The following MAPK14 variants were observed in gnomAD, a reference collection of about 807,000 sequenced individuals.
MAPK14 encodes CSAID-binding protein.
In MAPK14, 16 loss-of-function variants were observed where a neutral mutation model predicts 49.6. That is an observed-to-expected ratio of 0.32 (90% CI 0.22 to 0.49). MAPK14 has a LOEUF of 0.49. MAPK14 is among the 20% of genes least tolerant of loss of function. The pLI is 0.99. For synonymous variants in MAPK14, 142 were observed against 158.0 expected (o/e 0.90, Z 0.76); for missense variants, 200 against 441.2 (o/e 0.45, Z 4.90).
Position 36,059,038 on chromosome 6 carries a change from C to T in MAPK14, c.247-251C>T, listed in dbSNP as rs187219826. 2.0e-3 allele frequency among the ~76,000 whole-genome samples: 311 copies of T among 151,956 alleles called. 1 individual carries two copies. The highest frequency in any genetic ancestry group is 6.9e-3 in the African/African-American group (286 of 41,462). ...CCGAGTAGCTGGGATTACAGGCGCCCGCCACCACACCTGGCTAATGTTTGT... is the reference window on the plus strand; with the variant it reads ...CCGAGTAGCTGGGATTACAGGCGCCTGCCACCACACCTGGCTAATGTTTGT... On this transcript the variant is annotated intron_variant, in intron 2 of 11. Transcript: ENST00000229794.
At chr6:36,085,826 ACT>A (rs1207599608) in intron 8 of MAPK14, among the ~76,000 whole-genome samples, 3 of 152,290 alleles carry the variant, frequency 2.0e-5, no homozygotes, top group East Asian at 1.9e-4. Context: ...TAGCTACAGA[ACT>A]CTCTATACAG....
At chr6:36,090,369 G>C (rs1765171678) in intron 8 of MAPK14, among the ~76,000 whole-genome samples, 2 of 151,758 alleles carry the variant, frequency 1.3e-5, no homozygotes, top group Admixed American at 6.6e-5. Flanking sequence ...TGTTGCCTAG[G>C]CTGGAATGCA....
rs981044225 is a variant in MAPK14 at position 36,029,432 on chromosome 6, A to G, written c.116+1159A>G. Among the ~76,000 whole-genome samples the G allele has an allele frequency of 5.9e-5, 9 of 152,188 alleles. 1 individual carries two copies. Among genetic ancestry groups the G allele is most frequent in the Admixed American group, 5.2e-4 (8 of 15,282 alleles). ...GCTCTCTTAACTTCCAAGGTTTTAT[A>G]CCCTGTATTTTAGATTTTCTATAAT... On this transcript the variant is annotated intron_variant, in intron 1 of 11. Transcript: ENST00000229794.
intron 3 of MAPK14, among the ~76,000 whole-genome samples, chr6:36,066,405 T>A (rs114061598): frequency 2.0e-5 from 3 of 148,574 alleles, no homozygotes; most frequent in African/African-American, 7.9e-5. Flanking sequence ...ATGGTCTTAT[T>A]AAAGAAATGA....
At chr6:36,074,004 A>G (rs1016866026) in intron 5 of MAPK14, 45 bp from the exon 6 acceptor site, 3 of 1,388,978 alleles carry the variant, frequency 2.2e-6, no homozygotes, top group Non-Finnish European at 3.1e-6. Flanking sequence ...AGAATTGATC[A>G]TGCATCATAA....
intron 9 of MAPK14, chr6:36,097,298 C>T (rs1765478071): frequency 6.6e-6 from 1 of 152,196 alleles, no homozygotes; most frequent in East Asian, 1.9e-4. Flanking sequence ...GAGTATAGAT[C>T]CCAGATGTTC....
chr6:36,100,299 C>T, intron 9 of MAPK14: 1 of 1,473,006 alleles, frequency 6.8e-7, no homozygotes, highest in Non-Finnish European at 9.5e-7. Context: ...AGGGATGTCG[C>T]ACTGAGAAGC....
chr6:36,032,805 C>G (rs1031308526), intron 1 of MAPK14, among the ~76,000 whole-genome samples: 1 of 152,182 alleles, frequency 6.6e-6, no homozygotes, highest in Admixed American at 6.5e-5. Flanking sequence ...TTGTGCTGTG[C>G]ACTTTATCAT....
At chr6:36,111,409 G>A (rs1391735658), downstream of MAPK14, among the ~76,000 whole-genome samples, 2 of 152,154 alleles carry the variant, frequency 1.3e-5, no homozygotes, top group Non-Finnish European at 2.9e-5. Flanking sequence ...CATCTATAAA[G>A]TGAAGTTCAG....
At chr6:36,043,804 CTTTTTTTTTTTTT>C (rs796534477) in intron 1 of MAPK14, among the ~76,000 whole-genome samples, 3 of 90,394 alleles carry the variant, frequency 3.3e-5, no homozygotes, top group African/African-American at 4.5e-5. Flanking sequence ...CTTTTTCTTT[CTTTTTTTTTTTTT>C]TTTTTTTTTT....
intron 10 of MAPK14, among the ~76,000 whole-genome samples, chr6:36,106,070 G>A (rs901572468): frequency 6.6e-5 from 10 of 152,140 alleles, no homozygotes; most frequent in Non-Finnish European, 1.3e-4. Flanking sequence ...TACTTGCTTT[G>A]GTCAAAGGGG....
intron 1 of MAPK14, among the ~76,000 whole-genome samples, chr6:36,038,706 T>C (rs1336568479): frequency 3.9e-5 from 6 of 152,202 alleles, no homozygotes; most frequent in Non-Finnish European, 8.8e-5. Flanking sequence ...AGTATTTTTG[T>C]TGGGCCCTAG....
At chr6:36,045,722 T>A (rs1338579570) in intron 1 of MAPK14, among the ~76,000 whole-genome samples, 1 of 142,386 alleles carries the variant, frequency 7.0e-6, no homozygotes, top group Non-Finnish European at 1.5e-5. Flanking sequence ...GGCAGGAGAA[T>A]GGCGTGAACC....
chr6:36,029,281 G>A (rs796443608), intron 1 of MAPK14: 2 of 152,092 alleles, frequency 1.3e-5, no homozygotes, highest in African/African-American at 4.8e-5. Flanking sequence ...GATGGTTTTC[G>A]TAAGGATATG....
At chr6:36,037,833 T>A (rs2127398664) in intron 1 of MAPK14, among the ~76,000 whole-genome samples, 1 of 151,780 alleles carries the variant, frequency 6.6e-6, no homozygotes, top group Middle Eastern at 3.4e-3. Context: ...AAAATAAAAA[T>A]AAAAAATTAG....
chr6:36,095,394 AGT>A, intron 8 of MAPK14, among the ~76,000 whole-genome samples: 1 of 152,218 alleles, frequency 6.6e-6, no homozygotes, highest in East Asian at 1.9e-4. Flanking sequence ...TGCTATAGCC[AGT>A]GTGAGAGGCG....
intron 3 of MAPK14, among the ~76,000 whole-genome samples, chr6:36,069,395 G>A (rs1323742769): frequency 6.6e-6 from 1 of 152,060 alleles, no homozygotes; most frequent in Non-Finnish European, 1.5e-5. Context: ...CTTTCTATAT[G>A]GGAGTTAGAA....
chr6:36,052,788 A>G lies in MAPK14; in HGVS notation c.206A>G (p.Tyr69Cys). Residue 69 changes from tyrosine to cysteine, a missense_variant, in exon 2 of 12, where the codon TAC (tyrosine) becomes TGC (cysteine). This residue lies in a region of MAPK14 where 170 missense variants were observed against 407.0 expected (regional missense o/e 0.42). Coordinates refer to ENST00000229794, the MANE Select transcript of MAPK14 (RefSeq NM_139012.3). ...TCCATCATTCATGCGAAAAGAACCT[A>G]CAGAGAACTGCGGTTACTTAAACAT... is the stretch of plus-strand genomic sequence containing the variant. ...FQSIIHAKRT[Y>C]RELRLLKHMK... 6.2e-7 allele frequency: 1 copy of G among 1,612,286 alleles called. No individual in the cohort carries two copies.
At chr6:36,077,553 G>A (rs1764581487) in intron 8 of MAPK14, among the ~76,000 whole-genome samples, 1 of 152,014 alleles carries the variant, frequency 6.6e-6, no homozygotes, top group South Asian at 2.1e-4. Flanking sequence ...CTTGCTTACA[G>A]TTTGGGATAT....
Sources: allele counts gnomAD v4.1 joint callset (sites outside exome capture counted in the v4.1 genomes callset), GRCh38; gene constraint gnomAD v4.1.1; regional missense constraint gnomAD v4.1.1; transcripts MANE v1.5; gene names NCBI Gene and HGNC (gene_info 2026-07-23, HGNC 2026-07-21).